Variants in WDR27 observed in about 807,000 individuals in gnomAD.
WDR27 encodes WD repeat domain 27, also known as WD repeat-containing protein 27.
In WDR27, 100 loss-of-function variants were observed where a neutral mutation model predicts 114.4. That is an observed-to-expected ratio of 0.87 (90% CI 0.74 to 1.03). WDR27 has a LOEUF of 1.03. Among genes scored for constraint, WDR27 ranks in the 50% least tolerant of loss-of-function variants. WDR27 has a pLI of 0.00. For missense variants in WDR27, 1,129 were observed against 1,092.9 expected, an observed-to-expected ratio of 1.03 and a Z score of -0.47; for synonymous variants, 449 against 423.1, an observed-to-expected ratio of 1.06 and a Z score of -0.75.
At chr6:169,683,959 G>A (rs1358068382) in intron 2 of WDR27, among the ~76,000 whole-genome samples, 2 of 152,170 alleles carry the variant, frequency 1.3e-5, no homozygotes, top group African/African-American at 4.8e-5. Flanking sequence ...GCACCATCTT[G>A]AGACCAGAGC....
intron 2 of WDR27, among the ~76,000 whole-genome samples, chr6:169,688,305 T>A (rs796900675): frequency 2.1e-4 from 32 of 152,220 alleles, no homozygotes; most frequent in African/African-American, 7.2e-4. Context: ...TATATAAAGT[T>A]CATCACAAGC....
At chr6:169,453,538 TC>T (rs1013305330), downstream of WDR27, among the ~76,000 whole-genome samples, 2 of 152,208 alleles carry the variant, frequency 1.3e-5, no homozygotes, top group Admixed American at 1.3e-4. Context: ...GTCCCACTAT[TC>T]CTTTTGAAGT....
chr6:169,449,913 G>A, the WDR27 span, among the ~76,000 whole-genome samples: 2 of 152,218 alleles, frequency 1.3e-5, no homozygotes, highest in Non-Finnish European at 2.9e-5. Context: ...AACAGAGCGA[G>A]AAAGAAGCCA....
chr6:169,562,174 G>C (rs1436977633), intron 25 of WDR27, among the ~76,000 whole-genome samples: 1 of 152,196 alleles, frequency 6.6e-6, no homozygotes, highest in Non-Finnish European at 1.5e-5. Flanking sequence ...CGGAAGACTT[G>C]AGGAACACAC....
intron 25 of WDR27, among the ~76,000 whole-genome samples, chr6:169,537,770 G>A (rs1796362035): frequency 6.6e-6 from 1 of 152,130 alleles, no homozygotes; most frequent in African/African-American, 2.4e-5. Context: ...GACATGGGGG[G>A]AAGCCAGAGT....
chr6:169,673,480 A>G (rs1026927272), intron 2 of WDR27, among the ~76,000 whole-genome samples: 1 of 152,058 alleles, frequency 6.6e-6, no homozygotes, highest in Non-Finnish European at 1.5e-5. Context: ...AGAGAGACAC[A>G]CATTTTGAAG....
chr6:169,601,885 AG>A (rs1808057925), intron 23 of WDR27, among the ~76,000 whole-genome samples: 1 of 152,264 alleles, frequency 6.6e-6, no homozygotes, highest in Admixed American at 6.5e-5. Flanking sequence ...TTAAATACAC[AG>A]GATCTGGTGT....
At chr6:169,519,921 A>G (rs974244698) in intron 25 of WDR27, among the ~76,000 whole-genome samples, 2 of 152,128 alleles carry the variant, frequency 1.3e-5, no homozygotes, top group Middle Eastern at 3.4e-3. Flanking sequence ...CCCCCAACTC[A>G]TGGTTTCTAC....
At chr6:169,459,327 T>C (rs1464815132) in intron 25 of WDR27, among the ~76,000 whole-genome samples, 2 of 151,920 alleles carry the variant, frequency 1.3e-5, no homozygotes, top group South Asian at 2.1e-4. Context: ...AAGTATTTAC[T>C]AGAGGAATTC....
intron 2 of WDR27, among the ~76,000 whole-genome samples, chr6:169,685,720 C>T (rs1274113446): frequency 1.3e-5 from 2 of 151,972 alleles, no homozygotes; most frequent in Non-Finnish European, 2.9e-5. Context: ...TGAGACTAAG[C>T]AAATAAATAT....
Position 169,659,203 on chromosome 6 carries a change from A to C in WDR27, c.1202T>G (p.Leu401Arg). 2 of 1,594,782 alleles carry C rather than the reference A, an allele frequency of 1.3e-6. No individual in the cohort carries two copies. The highest frequency in any genetic ancestry group is 1.7e-6 in the Non-Finnish European group (2 of 1,172,986). Residue 401 changes from leucine to arginine, a missense_variant, in exon 12 of 26, where the codon CTG (leucine) becomes CGG (arginine). By Grantham distance (102) the Leu-to-Arg change is moderately radical. Transcript: ENST00000448612. This position sits in a 1 kb window ranked among gnomAD's most constrained non-coding sequence, Gnocchi z 4.3. Reference sequence around the variant, plus strand: ...GCCAAAGAGGGAGGCCAGCAAGCACAGCACCTGCAGGGACGCGGTTTCAAC... The same window carrying C: ...GCCAAAGAGGGAGGCCAGCAAGCACCGCACCTGCAGGGACGCGGTTTCAAC... ...LRNRTADQKV[L>R]CLLASLFGGK...
At chr6:169,621,737 CAT>C (rs1210975080) in intron 21 of WDR27, among the ~76,000 whole-genome samples, 1 of 150,880 alleles carries the variant, frequency 6.6e-6, no homozygotes. Flanking sequence ...CACACATATA[CAT>C]ACACACACAC....
At chr6:169,563,785 C>A (rs1189421071) in intron 25 of WDR27, among the ~76,000 whole-genome samples, 1 of 152,114 alleles carries the variant, frequency 6.6e-6, no homozygotes, top group Admixed American at 6.5e-5. Context: ...TTTCTGAGCC[C>A]ACACCTGAAG....
At chr6:169,689,786 C>T (rs1783981637) in intron 1 of WDR27, among the ~76,000 whole-genome samples, 1 of 152,220 alleles carries the variant, frequency 6.6e-6, no homozygotes. Flanking sequence ...GACAACAGAC[C>T]TGCTTAGAAA....
chr6:169,586,847 C>CAGAAAAAAAAAA (rs1804703143), intron 23 of WDR27, among the ~76,000 whole-genome samples: 1 of 32,058 alleles, frequency 3.1e-5, no homozygotes, highest in Non-Finnish European at 5.6e-5. Flanking sequence ...GACTCTGTCT[C>CAGAAAAAAAAAA]AAAAAAAAAA....
intron 25 of WDR27, among the ~76,000 whole-genome samples, chr6:169,501,965 T>G (rs1791306621): frequency 1.3e-5 from 2 of 152,192 alleles, no homozygotes; most frequent in Admixed American, 1.3e-4. Context: ...GACTCTCCCC[T>G]AAGATCACAG....
At chr6:169,560,096 C>T (rs3006202) in intron 25 of WDR27, among the ~76,000 whole-genome samples, 91,253 of 151,924 alleles carry the variant, frequency 0.6, 29,800 homozygotes, top group East Asian at 0.72. Flanking sequence ...CCACTTGAAT[C>T]GTATCTCCCA....
At chr6:169,567,953 G>A (rs1054727218) in intron 25 of WDR27, among the ~76,000 whole-genome samples, 1 of 152,194 alleles carries the variant, frequency 6.6e-6, no homozygotes, top group African/African-American at 2.4e-5. Context: ...AGGAAGGGCC[G>A]CCAGCTCCAG....
chr6:169,635,239 C>T lies in WDR27; in HGVS notation c.2004-714G>A, dbSNP rs528437753. 6.1e-5 allele frequency among the ~76,000 whole-genome samples: 9 copies of T among 146,830 alleles called. No individual in the cohort carries two copies. In the South Asian group the frequency reaches 1.9e-3, roughly 32 times the overall value. On this transcript the variant is annotated intron_variant, in intron 19 of 25. Coordinates refer to ENST00000448612, the MANE Select transcript of WDR27 (RefSeq NM_182552.5). ...AAATTAGCCAGGTGTGGTTGGGGGG[C>T]AGGTGGGGGAAGGGGGGCGCCTGTA... is the stretch of plus-strand genomic sequence containing the variant.
Sources: allele counts gnomAD v4.1 joint callset (sites outside exome capture counted in the v4.1 genomes callset), GRCh38; gene constraint gnomAD v4.1.1; non-coding constraint Gnocchi (gnomAD v3.1); transcripts MANE v1.5; gene names NCBI Gene and HGNC (gene_info 2026-07-23, HGNC 2026-07-21).